Variants in MRPL21 observed in about 807,000 individuals in gnomAD.
MRPL21 encodes large ribosomal subunit protein bL21m.
MRPL21 carries 20 observed loss-of-function variants against 27.3 expected under a neutral mutation model. The observed-to-expected ratio is 0.73, with a 90% CI of 0.52 to 1.06. The LOEUF is 1.06. MRPL21 is among the 50% of genes least tolerant of loss of function. MRPL21 has a pLI of 0.00. For synonymous variants in MRPL21, 98 were observed against 101.5 expected, an observed-to-expected ratio of 0.97 and a Z score of 0.21; for missense variants, 249 against 251.4, an observed-to-expected ratio of 0.99 and a Z score of 0.06.
intron 4 of MRPL21, among the ~76,000 whole-genome samples, chr11:68,894,697 G>A (rs1857743812): frequency 6.6e-6 from 1 of 152,172 alleles, no homozygotes; most frequent in African/African-American, 2.4e-5. Context: ...AAACTCAGCG[G>A]ACACGCATGT....
chr11:68,897,857 A>T, intron 3 of MRPL21, 70 bp downstream of exon 3: 1 of 1,201,332 alleles, frequency 8.3e-7, no homozygotes, highest in East Asian at 2.3e-5. Context: ...GCCTGGTGAC[A>T]ACCTCTGTGG....
chr11:68,895,723 T>C (rs187356461), intron 4 of MRPL21, among the ~76,000 whole-genome samples: 1 of 152,258 alleles, frequency 6.6e-6, no homozygotes, highest in Non-Finnish European at 1.5e-5. Context: ...CAGGCTCGAG[T>C]GCAGTGGCCA....
intron 1 of MRPL21, among the ~76,000 whole-genome samples, chr11:68,902,480 A>T (rs1445773207): frequency 6.6e-6 from 1 of 152,190 alleles, no homozygotes; most frequent in Admixed American, 6.5e-5. Context: ...ATTATTATTA[A>T]TTTCTTAATA....
chr11:68,896,665 C>T lies in MRPL21; in HGVS notation c.246G>A (p.Lys82=), dbSNP rs1857798579. 6.2e-7 allele frequency: 1 copy of T among 1,613,958 alleles called. No homozygotes were observed. Among genetic ancestry groups the T allele is most frequent in the Admixed American group, 1.7e-5 (1 of 60,016 alleles). Residue 82 remains lysine (K), a synonymous_variant, in exon 4 of 7, where the codon AAG becomes AAA. Transcript: ENST00000362034. ...GCCCCGTGACGATCATCTCATTCAC[C>T]TTCTTCACGACCTCTGCAGGGGAAG... ...ETRHHAEVVK[K]VNEMIVTGQY...
chr11:68,903,613 A>C (rs144079190), intron 1 of MRPL21, 110 bp downstream of exon 1: 2 of 1,136,784 alleles, frequency 1.8e-6, no homozygotes, highest in African/African-American at 1.5e-5. Context: ...TTCACCACAA[A>C]TGCGATCAAC....
At chr11:68,898,152 C>G in intron 2 of MRPL21, 140 bp from the exon 3 acceptor site, 1 of 695,062 alleles carries the variant, frequency 1.4e-6, no homozygotes. Context: ...CCCCGCCCCT[C>G]TGGGGTAACC....
chr11:68,900,611 G>T lies in MRPL21; in HGVS notation c.89-6C>A, dbSNP rs1371398098. The T allele has an allele frequency of 1.9e-6, 3 of 1,611,920 alleles. No individual in the cohort carries two copies. In the South Asian group the frequency reaches 3.3e-5, roughly 18 times the overall value. On this transcript the variant is annotated splice_polypyrimidine_tract_variant and splice_region_variant and intron_variant, in intron 1 of 6. Coordinates refer to ENST00000362034, the MANE Select transcript of MRPL21 (RefSeq NM_181514.2). ...AGAAGCAGACCAAAGGGAGGCTGAG[G>T]GAAGAAGAGAAACACAGATCATTAC...
chr11:68,891,366 T>A lies in MRPL21; in HGVS notation c.583A>T (p.Ile195Leu), dbSNP rs1857642977. ...IVTTPQTVLR[I>L]NSIEIAPCLL ...CACGGAGCAATCTCAATGCTGTTTA[T>A]CCGGAGGACAGTCTGCGGGGTCGTG... Residue 195 changes from isoleucine to leucine, a missense_variant, in exon 7 of 7, where the codon ATA becomes TTA. Coordinates refer to ENST00000362034, the MANE Select transcript of MRPL21 (RefSeq NM_181514.2). 6.2e-7 allele frequency: 1 copy of A among 1,613,962 alleles called. No homozygotes were observed. Among genetic ancestry groups the A allele is most frequent in the Admixed American group, 1.7e-5 (1 of 60,010 alleles).
At chr11:68,893,555 A>G in intron 4 of MRPL21, 100 bp from the exon 5 acceptor site, 1 of 1,423,074 alleles carries the variant, frequency 7.0e-7, no homozygotes. Context: ...CAAAATGAGA[A>G]AGACTGAAAA....
chr11:68,903,106 T>C (rs1465194728), intron 1 of MRPL21, among the ~76,000 whole-genome samples: 2 of 152,216 alleles, frequency 1.3e-5, no homozygotes, highest in Non-Finnish European at 2.9e-5. Flanking sequence ...TATCGTCCAA[T>C]ATAGAGTTAG....
At chr11:68,896,163 G>A (rs1396503032) in intron 4 of MRPL21, among the ~76,000 whole-genome samples, 3 of 152,102 alleles carry the variant, frequency 2.0e-5, no homozygotes. Context: ...TCCTTAACCG[G>A]GATTTTTATT....
chr11:68,897,299 G>C (rs901371543), intron 3 of MRPL21, among the ~76,000 whole-genome samples: 2 of 152,118 alleles, frequency 1.3e-5, no homozygotes, highest in African/African-American at 4.8e-5. Flanking sequence ...CGACCCCCCG[G>C]CCTGACCGAG....
chr11:68,902,528 A>C (rs1269599833), intron 1 of MRPL21, among the ~76,000 whole-genome samples: 1 of 152,176 alleles, frequency 6.6e-6, no homozygotes, highest in Non-Finnish European at 1.5e-5. Context: ...TTCACACCAA[A>C]ATTGAGTGGA....
intron 2 of MRPL21, among the ~76,000 whole-genome samples, chr11:68,899,263 G>A (rs373096119): frequency 4.1e-4 from 62 of 151,958 alleles, no homozygotes; most frequent in African/African-American, 9.4e-4. Context: ...ATTCAGAACC[G>A]TTTTTAAGCT....
intron 2 of MRPL21, among the ~76,000 whole-genome samples, chr11:68,899,195 G>A (rs1857875176): frequency 6.6e-6 from 1 of 152,156 alleles, no homozygotes; most frequent in Non-Finnish European, 1.5e-5. Context: ...AAAAGGAGGT[G>A]GGGTCTTTCT....
At chr11:68,894,108 G>A (rs1448484763) in intron 4 of MRPL21, among the ~76,000 whole-genome samples, 1 of 152,084 alleles carries the variant, frequency 6.6e-6, no homozygotes, top group Non-Finnish European at 1.5e-5. Context: ...TCATACCATT[G>A]TGTCTCTTGG....
At position 68,900,540 on chromosome 11, in the gene MRPL21, G is replaced by A; in HGVS notation, c.146+8C>T. On this transcript the variant is annotated splice_region_variant and intron_variant, in intron 2 of 6. Coordinates refer to ENST00000362034, the MANE Select transcript of MRPL21 (RefSeq NM_181514.2). ...AAAGAGGCACCAAAACCCACATTTT[G>A]ATATTACCCTGGTAGATATGAAGTG... The A allele has an allele frequency of 6.2e-7, 1 of 1,612,746 alleles. No homozygotes were observed. Among genetic ancestry groups the A allele is most frequent in the South Asian group, 1.1e-5 (1 of 90,936 alleles).
intron 2 of MRPL21, among the ~76,000 whole-genome samples, chr11:68,898,794 CCTTT>C (rs1857863986): frequency 6.6e-6 from 1 of 152,052 alleles, no homozygotes; most frequent in Non-Finnish European, 1.5e-5. Flanking sequence ...GCGGGCAATG[CCTTT>C]TTTTTTTGAG....
chr11:68,901,402 G>A (rs1158394152), intron 1 of MRPL21, among the ~76,000 whole-genome samples: 1 of 152,028 alleles, frequency 6.6e-6, no homozygotes, highest in Non-Finnish European at 1.5e-5. Flanking sequence ...CATACACCAG[G>A]AATACACCAG....
Sources: gnomAD v4.1 joint callset for allele counts (sites outside exome capture counted in the v4.1 genomes callset) on GRCh38, gnomAD v4.1.1 for gene constraint, MANE v1.5 for transcripts, NCBI Gene and HGNC (gene_info 2026-07-23, HGNC 2026-07-21) for gene names.